The following JAZF1 variants were observed in gnomAD, a reference collection of about 807,000 sequenced individuals.
JAZF1 encodes the protein JAZF zinc finger 1.
A neutral mutation model predicts 26.4 loss-of-function variants in JAZF1; 8 were observed. The observed-to-expected ratio is 0.30, with a 90% CI of 0.18 to 0.55. The LOEUF (loss-of-function observed/expected upper bound fraction) is 0.55. JAZF1 is among the 20% of genes least tolerant of loss of function. The pLI, the probability that JAZF1 is intolerant of heterozygous loss-of-function variation, is 0.94. For missense variants in JAZF1, 199 were observed against 322.0 expected (o/e 0.62, Z 2.92); for synonymous variants, 126 against 122.3 (o/e 1.03, Z -0.20).
intron 1 of JAZF1, among the ~76,000 whole-genome samples, chr7:28,030,354 C>T (rs967204072): frequency 6.6e-6 from 1 of 152,178 alleles, no homozygotes; most frequent in African/African-American, 2.4e-5. Flanking sequence ...CTGCAGCCCA[C>T]GTTTACTGCC....
At chr7:28,166,129 A>AT (rs574556947) in intron 1 of JAZF1, among the ~76,000 whole-genome samples, 14,779 of 151,996 alleles carry the variant, frequency 0.097, 870 homozygotes, top group Admixed American at 0.18. Context: ...TATATATATA[A>AT]AAAAAGTTGG....
chr7:27,999,726 C>T (rs1476505148), intron 1 of JAZF1, among the ~76,000 whole-genome samples: 1 of 152,090 alleles, frequency 6.6e-6, no homozygotes, highest in African/African-American at 2.4e-5. Flanking sequence ...TAATCAGTGT[C>T]CATGATGATA....
Position 28,174,855 on chromosome 7 carries a change from C to T in JAZF1, c.115+5608G>A, listed in dbSNP as rs1460024304. 1.7e-4 allele frequency among the ~76,000 whole-genome samples: 12 copies of T among 70,428 alleles called. 4 individuals carry two copies. The highest frequency in any genetic ancestry group is 7.1e-4 in the Admixed American group (4 of 5,670). The allele number at this position is 70,428 out of a possible 152,430, so 46.2% of individuals were successfully genotyped here. A position where few individuals can be genotyped will look rare whatever the true frequency, so the allele number is the denominator to read the frequency against. ...GTGTGTGTGTGTGTGTGTGTATGCA[C>T]ATGTATTTAAAACTCCTAGCATTAC... is the stretch of plus-strand genomic sequence containing the variant. On this transcript the variant is annotated intron_variant, in intron 1 of 4. Transcript: ENST00000283928.
At chr7:27,989,839 C>T (rs577433381) in intron 2 of JAZF1, among the ~76,000 whole-genome samples, 1 of 152,308 alleles carries the variant, frequency 6.6e-6, no homozygotes, top group African/African-American at 2.4e-5. Flanking sequence ...GTTGGTGGGA[C>T]TGTAAACTAG....
intron 1 of JAZF1, among the ~76,000 whole-genome samples, chr7:28,019,665 A>G (rs1469640753): frequency 6.6e-6 from 1 of 152,116 alleles, no homozygotes; most frequent in East Asian, 1.9e-4. Context: ...GGCAAATAAT[A>G]TATTTAATAG....
At chr7:28,006,631 A>G (rs1782705976) in intron 1 of JAZF1, among the ~76,000 whole-genome samples, 1 of 152,114 alleles carries the variant, frequency 6.6e-6, no homozygotes, top group South Asian at 2.1e-4. Context: ...ATATCTCCTG[A>G]CCCACCCCAC....
chr7:28,006,643 T>C (rs1366026882), intron 1 of JAZF1, among the ~76,000 whole-genome samples: 1 of 152,132 alleles, frequency 6.6e-6, no homozygotes, highest in Non-Finnish European at 1.5e-5. Context: ...CCACCCCACT[T>C]CCCAGAGGAA....
chr7:27,939,575 G>A (rs1187592337), intron 2 of JAZF1, among the ~76,000 whole-genome samples: 1 of 152,216 alleles, frequency 6.6e-6, no homozygotes, highest in Non-Finnish European at 1.5e-5. Flanking sequence ...CATGGCCTCA[G>A]GCTTTTTTCC....
intron 1 of JAZF1, among the ~76,000 whole-genome samples, chr7:28,108,039 G>A (rs1437461678): frequency 6.6e-6 from 1 of 152,172 alleles, no homozygotes; most frequent in African/African-American, 2.4e-5. Flanking sequence ...TCAGACCTGG[G>A]GGGTGGGATG....
At chr7:27,938,934 G>A (rs1784801400) in intron 2 of JAZF1, among the ~76,000 whole-genome samples, 1 of 152,000 alleles carries the variant, frequency 6.6e-6, no homozygotes. Flanking sequence ...AGCCACCATG[G>A]CTGGCCATAA....
intron 1 of JAZF1, among the ~76,000 whole-genome samples, chr7:28,179,654 C>T (rs1042149295): frequency 3.3e-5 from 5 of 149,638 alleles, no homozygotes; most frequent in Non-Finnish European, 7.4e-5. Context: ...CACCCAAGAC[C>T]TCAGCCCGCA....
intron 1 of JAZF1, chr7:28,118,010 T>A (rs1784773987): frequency 6.6e-6 from 1 of 152,126 alleles, no homozygotes; most frequent in Non-Finnish European, 1.5e-5. Context: ...AAAAAAAAAT[T>A]ACAACAAAAA....
At chr7:27,911,453 C>G (rs545717691) in intron 2 of JAZF1, among the ~76,000 whole-genome samples, 1 of 152,112 alleles carries the variant, frequency 6.6e-6, no homozygotes, top group South Asian at 2.1e-4. Flanking sequence ...AGGAAAGTTA[C>G]AAAATGCTAA....
intron 3 of JAZF1, among the ~76,000 whole-genome samples, chr7:27,876,585 C>A (rs1783684383): frequency 6.6e-6 from 1 of 152,160 alleles, no homozygotes; most frequent in South Asian, 2.1e-4. Flanking sequence ...TAAGTTTTGC[C>A]AGCCTAGTTT....
chr7:28,001,355 A>AAAAAC (rs1554281097), intron 1 of JAZF1, among the ~76,000 whole-genome samples: 22 of 152,154 alleles, frequency 1.4e-4, no homozygotes, highest in South Asian at 4.2e-4. Context: ...CTGTCTCAAA[A>AAAAAC]AAAACAAAAC....
chr7:28,043,427 G>C (rs1379541862), intron 1 of JAZF1, among the ~76,000 whole-genome samples: 1 of 152,022 alleles, frequency 6.6e-6, no homozygotes. Context: ...CCCACCTTAC[G>C]GCCCCAACAT....
At chr7:28,101,576 T>A (rs1410855338) in intron 1 of JAZF1, among the ~76,000 whole-genome samples, 14 of 97,986 alleles carry the variant, frequency 1.4e-4, no homozygotes, top group South Asian at 3.9e-4. Flanking sequence ...ATTTCTATAT[T>A]AAAAAAAAAA....
chr7:28,123,984 A>G (rs937793042), intron 1 of JAZF1, among the ~76,000 whole-genome samples: 3 of 152,212 alleles, frequency 2.0e-5, no homozygotes, highest in African/African-American at 7.2e-5. Context: ...AGTGAACAGG[A>G]GACGCAACGT....
At chr7:28,033,416 A>G (rs1783227167) in intron 1 of JAZF1, among the ~76,000 whole-genome samples, 3 of 152,162 alleles carry the variant, frequency 2.0e-5, no homozygotes, top group South Asian at 4.1e-4. Context: ...CCAGGACCCA[A>G]AACTGGCTAG....
Sources: allele counts gnomAD v4.1 joint callset (sites outside exome capture counted in the v4.1 genomes callset), GRCh38; gene constraint gnomAD v4.1.1; transcripts MANE v1.5; gene names NCBI Gene and HGNC (gene_info 2026-07-23, HGNC 2026-07-21).